TENM3: variants seen among roughly 807,000 people sequenced by gnomAD.
TENM3 encodes teneurin transmembrane protein 3, also known as teneurin-3.
TENM3 carries 63 observed loss-of-function variants against 255.1 expected under a neutral mutation model. The ratio of observed to expected loss-of-function variants is 0.25; its 90% CI spans 0.20 to 0.30. TENM3 has a LOEUF of 0.30. Among genes scored for constraint, TENM3 ranks in the 10% least tolerant of loss-of-function variants. TENM3 has a pLI of 1.00. For synonymous variants in TENM3, 1,306 were observed against 1,322.3 expected, an observed-to-expected ratio of 0.99 and a Z score of 0.27; for missense variants, 2,929 against 3,461.1, an observed-to-expected ratio of 0.85 and a Z score of 3.86.
At chr4:182,075,793 C>T in the TENM3 span, among the ~76,000 whole-genome samples, 1 of 152,218 alleles carries the variant, frequency 6.6e-6, no homozygotes, top group African/African-American at 2.4e-5. Context: ...TCTCACTCTA[C>T]AAAGTTTCAT....
chr4:182,201,732 C>T (rs902952675), intron 1 of TENM3, among the ~76,000 whole-genome samples: 5 of 152,132 alleles, frequency 3.3e-5, no homozygotes, highest in Non-Finnish European at 7.4e-5. Context: ...AAACAAAATA[C>T]ACATAGCATT....
the TENM3 span, among the ~76,000 whole-genome samples, chr4:181,899,495 T>C: frequency 6.6e-6 from 1 of 152,106 alleles, no homozygotes; most frequent in Non-Finnish European, 1.5e-5. Context: ...TTTTACCCAA[T>C]TCTTTATGTG....
the TENM3 span, among the ~76,000 whole-genome samples, chr4:181,965,402 C>T: frequency 3.7e-4 from 57 of 152,116 alleles, no homozygotes; most frequent in Non-Finnish European, 1.5e-5. Flanking sequence ...GTACATATTG[C>T]CGATCTGGGT....
At chr4:181,725,612 G>C in the TENM3 span, among the ~76,000 whole-genome samples, 1 of 151,384 alleles carries the variant, frequency 6.6e-6, no homozygotes, top group Non-Finnish European at 1.5e-5. Flanking sequence ...CTATTTTTTT[G>C]TATTTTTTTT....
intron 24 of TENM3, among the ~76,000 whole-genome samples, chr4:182,785,712 TAAAAA>T (rs397879537): frequency 1.7e-5 from 1 of 60,086 alleles, no homozygotes; most frequent in Non-Finnish European, 2.9e-5. Context: ...TGTCTCAAGA[TAAAAA>T]AAAAAAAAAA....
intron 3 of TENM3, among the ~76,000 whole-genome samples, chr4:182,598,319 C>G (rs142243603): frequency 1.4e-4 from 22 of 152,260 alleles, no homozygotes; most frequent in African/African-American, 5.1e-4. Flanking sequence ...GGTAGGCCTC[C>G]TGATTGTGTT....
At chr4:181,569,857 G>A in the TENM3 span, among the ~76,000 whole-genome samples, 1 of 152,102 alleles carries the variant, frequency 6.6e-6, no homozygotes, top group African/African-American at 2.4e-5. Flanking sequence ...TACTTACTGA[G>A]TACCTACTAT....
At chr4:181,909,052 T>C in the TENM3 span, among the ~76,000 whole-genome samples, 1,734 of 152,292 alleles carry the variant, frequency 0.011, 33 homozygotes, top group African/African-American at 0.038. Context: ...CTTCTGCCTT[T>C]CCTTTCTGAA....
At chr4:182,597,214 G>A (rs1223445868) in intron 3 of TENM3, among the ~76,000 whole-genome samples, 2 of 152,080 alleles carry the variant, frequency 1.3e-5, no homozygotes, top group Non-Finnish European at 2.9e-5. Context: ...ACTGGCCTGG[G>A]CAACATAGGG....
chr4:181,602,075 C>CCT, the TENM3 span, among the ~76,000 whole-genome samples: 1 of 152,216 alleles, frequency 6.6e-6, no homozygotes, highest in South Asian at 2.1e-4. Context: ...CTCCAGTGGA[C>CCT]AAATCTTTTG....
intron 1 of TENM3, among the ~76,000 whole-genome samples, chr4:182,243,946 C>CTTTTTTTTT (rs967487689): frequency 2.7e-5 from 2 of 72,914 alleles, no homozygotes; most frequent in Non-Finnish European, 5.0e-5. Flanking sequence ...TTTGTGTTTT[C>CTTTTTTTTT]TTTTTTTTTT....
At chr4:182,000,927 G>C in the TENM3 span, among the ~76,000 whole-genome samples, 1 of 150,628 alleles carries the variant, frequency 6.6e-6, no homozygotes, top group South Asian at 2.1e-4. Context: ...GAACATGAAA[G>C]TTGAAAAGAG....
chr4:182,753,012 T>A (rs1762483666), intron 20 of TENM3, among the ~76,000 whole-genome samples: 2 of 147,946 alleles, frequency 1.4e-5, no homozygotes, highest in Admixed American at 1.4e-4. Context: ...AATGGTGCGA[T>A]CTCGGCTCAC....
intron 3 of TENM3, among the ~76,000 whole-genome samples, chr4:182,512,329 T>C (rs1476888909): frequency 6.6e-6 from 1 of 152,150 alleles, no homozygotes; most frequent in Non-Finnish European, 1.5e-5. Flanking sequence ...CCGTAGAAGA[T>C]GACAGAGTCA....
intron 6 of TENM3, among the ~76,000 whole-genome samples, chr4:182,666,651 C>A (rs1754705698): frequency 6.6e-6 from 1 of 152,204 alleles, no homozygotes; most frequent in Non-Finnish European, 1.5e-5. Flanking sequence ...AATCCCAGCA[C>A]TTTGGGTGGC....
the TENM3 span, among the ~76,000 whole-genome samples, chr4:181,499,033 A>G: frequency 3.3e-5 from 5 of 152,258 alleles, no homozygotes; most frequent in South Asian, 1.0e-3. Flanking sequence ...ATTCCATTCT[A>G]CTCTGGTTTA....
chr4:181,876,771 G>T, the TENM3 span, among the ~76,000 whole-genome samples: 1 of 151,866 alleles, frequency 6.6e-6, no homozygotes, highest in Non-Finnish European at 1.5e-5. Context: ...AAAGTATTTT[G>T]AACGGAATTT....
intron 3 of TENM3, among the ~76,000 whole-genome samples, chr4:182,412,541 A>G (rs907793706): frequency 2.0e-5 from 3 of 152,178 alleles, no homozygotes; most frequent in Admixed American, 6.5e-5. Flanking sequence ...TTCTCAGAGT[A>G]ATAAGGGAAG....
chr4:181,790,422 C>T, the TENM3 span, among the ~76,000 whole-genome samples: 5 of 152,106 alleles, frequency 3.3e-5, no homozygotes, highest in African/African-American at 7.2e-5. Context: ...TTTTTAAAAG[C>T]GAACTCTAAC....
Sources: allele counts gnomAD v4.1 joint callset (sites outside exome capture counted in the v4.1 genomes callset), GRCh38; gene constraint gnomAD v4.1.1; transcripts MANE v1.5; gene names NCBI Gene and HGNC (gene_info 2026-07-23, HGNC 2026-07-21).